Variants in RAP1GDS1 observed in about 807,000 individuals in gnomAD.
The protein encoded by RAP1GDS1 is Rap1 GTPase-GDP dissociation stimulator 1, also known as RAP1, GTP-GDP dissociation stimulator 1.
In RAP1GDS1, 35 loss-of-function variants were observed where a neutral mutation model predicts 71.1. That is an observed-to-expected ratio of 0.49 (90% confidence interval 0.38 to 0.65). RAP1GDS1 has a LOEUF of 0.65. RAP1GDS1 is among the 30% of genes least tolerant of loss of function. RAP1GDS1 has a pLI of 0.00. For missense variants in RAP1GDS1, 663 were observed against 706.1 expected (o/e 0.94, Z 0.69); for synonymous variants, 229 against 243.1 (o/e 0.94, Z 0.54).
chr4:98,337,382 G>A (rs1311680630), intron 2 of RAP1GDS1, among the ~76,000 whole-genome samples: 1 of 152,098 alleles, frequency 6.6e-6, no homozygotes, highest in Admixed American at 6.5e-5. Flanking sequence ...TGGCAAATCA[G>A]GTCAAAATAT....
At chr4:98,326,415 A>T (rs746694497) in intron 2 of RAP1GDS1, among the ~76,000 whole-genome samples, 10 of 152,154 alleles carry the variant, frequency 6.6e-5, no homozygotes, top group Non-Finnish European at 1.2e-4. Context: ...CCTTTCTTGA[A>T]CCTCATTCGA....
intron 1 of RAP1GDS1, among the ~76,000 whole-genome samples, chr4:98,279,853 G>A (rs1023345225): frequency 1.3e-5 from 2 of 152,104 alleles, no homozygotes; most frequent in South Asian, 4.2e-4. Context: ...GTGAGAACTT[G>A]CGGTGTTTGG....
intron 6 of RAP1GDS1, among the ~76,000 whole-genome samples, chr4:98,400,528 T>TAAAAAAAAAAAAAAAA (rs774732053): frequency 1.3e-5 from 1 of 74,382 alleles, no homozygotes; most frequent in African/African-American, 4.4e-5. Flanking sequence ...TTTATAGAAG[T>TAAAAAAAAAAAAAAAA]AAAAAAAAAA....
chr4:98,411,448 C>CA (rs200013590), intron 7 of RAP1GDS1, among the ~76,000 whole-genome samples: 19,508 of 146,140 alleles, frequency 0.13, 1,596 homozygotes, highest in Admixed American at 0.21. Context: ...GACCCTGTCT[C>CA]AAAAAAAAAA....
intron 2 of RAP1GDS1, among the ~76,000 whole-genome samples, chr4:98,324,628 CTA>C (rs1277347155): frequency 6.9e-6 from 1 of 145,526 alleles, no homozygotes; most frequent in Non-Finnish European, 1.5e-5. Context: ...ATACCTACAA[CTA>C]TCTGATCTTT....
intron 2 of RAP1GDS1, among the ~76,000 whole-genome samples, chr4:98,318,096 G>A (rs1200373549): frequency 6.6e-6 from 1 of 152,140 alleles, no homozygotes; most frequent in Non-Finnish European, 1.5e-5. Flanking sequence ...GCCCGCCTTG[G>A]CCTCCTAAAG....
At chr4:98,403,846 G>A (rs1344460868) in intron 6 of RAP1GDS1, among the ~76,000 whole-genome samples, 2 of 152,070 alleles carry the variant, frequency 1.3e-5, no homozygotes, top group Admixed American at 6.6e-5. Flanking sequence ...AGTTGAGAGA[G>A]TAGAGGCAGT....
intron 2 of RAP1GDS1, among the ~76,000 whole-genome samples, chr4:98,316,824 G>A (rs536923124): frequency 2.6e-5 from 4 of 152,244 alleles, no homozygotes; most frequent in East Asian, 1.9e-4. Context: ...CTAGCTAAAA[G>A]TGAAAGATAG....
chr4:98,348,874 G>T (rs1736719965), intron 3 of RAP1GDS1, among the ~76,000 whole-genome samples: 1 of 152,082 alleles, frequency 6.6e-6, no homozygotes, highest in Non-Finnish European at 1.5e-5. Flanking sequence ...TTAGCCGTTT[G>T]TCAGATGAGT....
At chr4:98,280,509 G>A (rs548922146) in intron 1 of RAP1GDS1, among the ~76,000 whole-genome samples, 300 of 152,014 alleles carry the variant, frequency 2.0e-3, no homozygotes, top group African/African-American at 7.1e-3. Flanking sequence ...CTGGATATTA[G>A]CCCTTTGTCA....
In RAP1GDS1 at chr4:98,397,082, T is replaced by A. The variant is rs74611258; in HGVS notation, c.637+5002T>A. 9.4e-3 allele frequency among the ~76,000 whole-genome samples: 1,438 copies of A among 152,208 alleles called. 19 individuals are homozygous for A. The highest frequency in any genetic ancestry group is 0.031 in the African/African-American group (1,280 of 41,556). On this transcript the variant is annotated intron_variant, in intron 6 of 14. Coordinates refer to ENST00000408927, the MANE Select transcript of RAP1GDS1 (RefSeq NM_001100427.2). ...AGATGTTTTCATTTTTTCCCAATAA[T>A]GAAAAAAAGATTGTTTTCCTCCTGA...
chr4:98,291,661 A>G (rs1412257335), intron 1 of RAP1GDS1, among the ~76,000 whole-genome samples: 2 of 152,192 alleles, frequency 1.3e-5, no homozygotes, highest in Admixed American at 6.6e-5. Flanking sequence ...TAGAGTCACA[A>G]TGGGATTACT....
chr4:98,310,285 G>A (rs963369048), intron 2 of RAP1GDS1, among the ~76,000 whole-genome samples: 4 of 152,026 alleles, frequency 2.6e-5, no homozygotes, highest in African/African-American at 9.7e-5. Context: ...GAGACTGATA[G>A]ATAAATGTTA....
intron 14 of RAP1GDS1, among the ~76,000 whole-genome samples, chr4:98,440,151 G>C (rs138720994): frequency 1.3e-5 from 2 of 152,104 alleles, no homozygotes; most frequent in African/African-American, 4.8e-5. Flanking sequence ...CATTGTAGGC[G>C]TGTCAGAATT....
chr4:98,299,162 G>GT (rs1435407673), intron 2 of RAP1GDS1, among the ~76,000 whole-genome samples: 14 of 152,066 alleles, frequency 9.2e-5, no homozygotes, highest in Non-Finnish European at 2.1e-4. Flanking sequence ...GCAGTGTTTG[G>GT]TTTTCTGTCC....
At chr4:98,376,245 C>T (rs1315282677) in intron 4 of RAP1GDS1, among the ~76,000 whole-genome samples, 1 of 151,978 alleles carries the variant, frequency 6.6e-6, no homozygotes. Context: ...AGTGACAGCT[C>T]AGGATGCTTC....
At chr4:98,261,863 G>T (rs913003675) in intron 1 of RAP1GDS1, among the ~76,000 whole-genome samples, 1 of 152,086 alleles carries the variant, frequency 6.6e-6, no homozygotes, top group African/African-American at 2.4e-5. Flanking sequence ...CGGTGCCCGG[G>T]CACCACGGAG....
Position 98,443,135 on chromosome 4 carries a change from G to T in RAP1GDS1, c.*1018G>T. The T allele has an allele frequency of 4.5e-6, 1 of 221,814 alleles. No individual in the cohort carries two copies. 13.7% of individuals were successfully genotyped at this position (221,814 alleles called of 1,614,324 possible). ...ACTAGCAGGACGTAGGTGGAAAGATGAAGAAATAAGCTTGTCTAGACTAAA... is the reference window on the plus strand; with the variant it reads ...ACTAGCAGGACGTAGGTGGAAAGATTAAGAAATAAGCTTGTCTAGACTAAA... On this transcript the variant is annotated 3_prime_UTR_variant, in exon 15 of 15. Transcript: ENST00000408927.
At chr4:98,422,135 G>C (rs1046776751) in intron 12 of RAP1GDS1, among the ~76,000 whole-genome samples, 22 of 152,014 alleles carry the variant, frequency 1.4e-4, no homozygotes, top group Admixed American at 1.0e-3. Context: ...GGGAGGCGGA[G>C]CTTGCAGAGA....
Sources: gnomAD v4.1 joint callset for allele counts (sites outside exome capture counted in the v4.1 genomes callset) on GRCh38, gnomAD v4.1.1 for gene constraint, MANE v1.5 for transcripts, NCBI Gene and HGNC (gene_info 2026-07-23, HGNC 2026-07-21) for gene names.